The following VIRMA variants were observed in gnomAD, a reference collection of about 807,000 sequenced individuals.
The protein encoded by VIRMA is protein virilizer homolog.
In VIRMA, 65 loss-of-function variants were observed where a neutral mutation model predicts 182.4. The ratio of observed to expected loss-of-function variants is 0.36; its 90% confidence interval spans 0.29 to 0.44. VIRMA has a LOEUF of 0.44. VIRMA is among the 20% of genes least tolerant of loss of function. The pLI, the probability that VIRMA is intolerant of heterozygous loss-of-function variation, is 1.00. For missense variants in VIRMA, 1,752 were observed against 2,158.1 expected, an observed-to-expected ratio of 0.81 and a Z score of 3.73; for synonymous variants, 709 against 743.1, an observed-to-expected ratio of 0.95 and a Z score of 0.75.
At chr8:94,495,693 C>A (rs755758929) in intron 19 of VIRMA, 38 bp downstream of exon 19, 22 of 1,578,300 alleles carry the variant, frequency 1.4e-5, no homozygotes, top group Non-Finnish European at 1.8e-5. Context: ...CATTTTAAAA[C>A]CAACAGCTAT....
intron 11 of VIRMA, among the ~76,000 whole-genome samples, chr8:94,513,876 G>C (rs1814458044): frequency 6.6e-6 from 1 of 152,202 alleles, no homozygotes; most frequent in Non-Finnish European, 1.5e-5. Flanking sequence ...GGAAGAATAT[G>C]ATGGCACCAT....
At position 94,526,338 on chromosome 8, in the gene VIRMA, G is replaced by T. The variant is rs779330911; in HGVS notation, c.1906C>A (p.His636Asn). The part of the protein sequence containing the change: ...RLINLLEEVF[H>N]LMETAPHTMI... ...GTATGAGGGGCAGTTTCCATTAAATGAAAAACTTCTTCTAGGAGGTTAATA... is the reference window on the plus strand; with the variant it reads ...GTATGAGGGGCAGTTTCCATTAAATTAAAAACTTCTTCTAGGAGGTTAATA... The change falls in exon 8 of 24, where the codon CAT becomes AAT. Residue 636 changes from histidine to asparagine, a missense_variant. This residue lies in a region of VIRMA where 401 missense variants were observed against 455.1 expected (regional missense o/e 0.88). Coordinates refer to ENST00000297591, the MANE Select transcript of VIRMA (RefSeq NM_015496.5). 4 of 1,613,902 alleles carry T rather than the reference G, an allele frequency of 2.5e-6. No homozygotes were observed. The African/African-American group carries it at 5.3e-5, about 22-fold the overall frequency.
intron 11 of VIRMA, 39 bp downstream of exon 11, chr8:94,514,830 G>T: frequency 9.5e-7 from 1 of 1,047,426 alleles, no homozygotes; most frequent in South Asian, 1.5e-5. Flanking sequence ...CTACCACACA[G>T]TTTCAAAAAG....
At chr8:94,499,761 G>A (rs1813902907) in intron 16 of VIRMA, among the ~76,000 whole-genome samples, 1 of 151,908 alleles carries the variant, frequency 6.6e-6, no homozygotes, top group African/African-American at 2.4e-5. Flanking sequence ...TTTAACACAA[G>A]AGGCTGGGTG....
chr8:94,532,927 C>T lies in VIRMA; in HGVS notation c.485-1842G>A, dbSNP rs1815221368. Among the ~76,000 whole-genome samples, 3 of 152,022 alleles carry T rather than the reference C, an allele frequency of 2.0e-5. No individual in the cohort carries two copies. The South Asian group carries it at 6.2e-4, about 32-fold the overall frequency. ...AGTGAGCTATGATCAGGCCACTGCACTCCAGCCTGGGTGACGTAACAAAAT... is the reference window on the plus strand; with the variant it reads ...AGTGAGCTATGATCAGGCCACTGCATTCCAGCCTGGGTGACGTAACAAAAT... On this transcript the variant is annotated intron_variant, in intron 5 of 23. Transcript: ENST00000297591.
chr8:94,511,157 TA>T, intron 13 of VIRMA, 27 bp downstream of exon 13: 1 of 1,596,072 alleles, frequency 6.3e-7, no homozygotes, highest in Non-Finnish European at 8.5e-7. Context: ...CAGTCATTTA[TA>T]AGATGCATGT....
intron 8 of VIRMA, among the ~76,000 whole-genome samples, chr8:94,522,968 C>T (rs1245590665): frequency 6.6e-6 from 1 of 151,710 alleles, no homozygotes; most frequent in Non-Finnish European, 1.5e-5. Flanking sequence ...TTGTCTGATA[C>T]CCAAATATAC....
intron 17 of VIRMA, 55 bp downstream of exon 17, chr8:94,499,319 A>G (rs977495712): frequency 7.8e-7 from 1 of 1,279,782 alleles, no homozygotes; most frequent in Non-Finnish European, 1.1e-6. Flanking sequence ...CAAATTTAAG[A>G]AACACCAAAT....
chr8:94,551,503 A>C (rs973080662), intron 1 of VIRMA, among the ~76,000 whole-genome samples: 1 of 152,104 alleles, frequency 6.6e-6, no homozygotes, highest in Non-Finnish European at 1.5e-5. Context: ...ACAAACCCCT[A>C]CTTCCTCCTT....
intron 1 of VIRMA, among the ~76,000 whole-genome samples, chr8:94,544,707 A>AT (rs1161299801): frequency 5.9e-5 from 9 of 151,282 alleles, no homozygotes; most frequent in Non-Finnish European, 1.0e-4. Flanking sequence ...AACAAGCACC[A>AT]TATCAGTTCA....
chr8:94,527,918 T>C (rs1408783300), intron 7 of VIRMA, among the ~76,000 whole-genome samples: 1 of 152,176 alleles, frequency 6.6e-6, no homozygotes, highest in Admixed American at 6.5e-5. Flanking sequence ...GTCTCCATTA[T>C]ATTTTGATAG....
chr8:94,494,591 CAAAAAAAA>C (rs1175058697), intron 20 of VIRMA, among the ~76,000 whole-genome samples: 2 of 42,924 alleles, frequency 4.7e-5, no homozygotes, highest in Non-Finnish European at 7.8e-5. Flanking sequence ...GACTCTGTCT[CAAAAAAAA>C]AAAAAAAAAA....
At position 94,530,979 on chromosome 8, in the gene VIRMA, A is replaced by G; in HGVS notation, c.591T>C (p.Asp197=). ...TATTTATACCTGGCAGAGGCACAGG[A>G]TCATCTTCATCATCATCAGGTGGAG... ...GPPPPDDDED[D]PVPLPVSGDK... is the part of the protein sequence containing the mutation. Residue 197 remains aspartate (D), a synonymous_variant, in exon 6 of 24, where the codon GAT becomes GAC. Coordinates refer to ENST00000297591, the MANE Select transcript of VIRMA (RefSeq NM_015496.5). 6.2e-7 allele frequency: 1 copy of G among 1,604,072 alleles called. No individual in the cohort carries two copies.
chr8:94,508,008 T>C (rs969474936), intron 15 of VIRMA, among the ~76,000 whole-genome samples: 2 of 150,818 alleles, frequency 1.3e-5, no homozygotes, highest in Non-Finnish European at 2.9e-5. Context: ...AGTATATATA[T>C]ATACTTCTAA....
chr8:94,519,067 C>T lies in VIRMA; in HGVS notation c.2431G>A (p.Ala811Thr). The change falls in exon 9 of 24, where the codon GCT (alanine) becomes ACT (threonine). Residue 811 changes from alanine to threonine, a missense_variant. This residue lies in a region of VIRMA where 777 missense variants were observed against 920.6 expected (regional missense o/e 0.84). Transcript: ENST00000297591. ...LITFNPVGRS[A>T]VGHVFSLEKN... ...TCCAGACTAAAAACATGGCCAACAG[C>T]TGATCTTCCCACAGGATTAAAAGTA... The T allele has an allele frequency of 6.2e-7, 1 of 1,613,952 alleles. No individual in the cohort carries two copies. Among genetic ancestry groups the T allele is most frequent in the Admixed American group, 1.7e-5 (1 of 60,018 alleles).
chr8:94,502,509 T>C (rs1193044817), intron 16 of VIRMA, among the ~76,000 whole-genome samples: 1 of 151,886 alleles, frequency 6.6e-6, no homozygotes, highest in Non-Finnish European at 1.5e-5. Context: ...GTAGATAAAA[T>C]GTAAAAAGAA....
chr8:94,549,913 T>C (rs751804072), intron 1 of VIRMA, among the ~76,000 whole-genome samples: 2 of 152,110 alleles, frequency 1.3e-5, no homozygotes, highest in South Asian at 2.1e-4. Flanking sequence ...CTGGGAAACA[T>C]GGCAAAACAC....
intron 9 of VIRMA, among the ~76,000 whole-genome samples, 199 bp from the exon 10 acceptor site, chr8:94,518,141 T>C (rs1291675485): frequency 1.3e-5 from 2 of 152,126 alleles, no homozygotes; most frequent in Non-Finnish European, 2.9e-5. Context: ...TAAAAGTATA[T>C]AAAAAAGCAT....
chr8:94,543,879 T>A lies in VIRMA; in HGVS notation c.127A>T (p.Ile43Leu), dbSNP rs1313074267. ...CTATGGGCTCTTACTCCTGGGGGTA[T>A]GACTCGGACTTCATTGATATAAACC... is the stretch of plus-strand genomic sequence containing the variant. ...CVVYINEVRV[I>L]PPGVRAHSSL... Residue 43 changes from isoleucine (I) to leucine (L), a missense_variant, in exon 2 of 24, where the codon ATA becomes TTA. By Grantham distance (5) the Ile-to-Leu change is conservative. This residue lies in a region of VIRMA where 195 missense variants were observed against 191.7 expected (regional missense o/e 1.02). Coordinates refer to ENST00000297591, the MANE Select transcript of VIRMA (RefSeq NM_015496.5). 6.2e-7 allele frequency: 1 copy of A among 1,613,338 alleles called. No homozygotes were observed. The highest frequency in any genetic ancestry group is 1.1e-5 in the South Asian group (1 of 91,054).
Sources: gnomAD v4.1 joint callset for allele counts (sites outside exome capture counted in the v4.1 genomes callset) on GRCh38, gnomAD v4.1.1 for gene constraint, gnomAD v4.1.1 regional missense constraint, MANE v1.5 for transcripts, NCBI Gene and HGNC (gene_info 2026-07-23, HGNC 2026-07-21) for gene names.